CYP4Z1: variants seen among roughly 807,000 people sequenced by gnomAD.
CYP4Z1 encodes the protein cytochrome P450 family 4 subfamily Z member 1.
In CYP4Z1, 41 loss-of-function variants were observed where a neutral mutation model predicts 54.2. The ratio of observed to expected loss-of-function variants is 0.76; its 90% CI spans 0.59 to 0.98. The LOEUF (loss-of-function observed/expected upper bound fraction) is 0.98. CYP4Z1 is among the 50% of genes least tolerant of loss of function. The pLI is 0.00. For missense variants in CYP4Z1, 513 were observed against 599.0 expected (o/e 0.86, Z 1.50); for synonymous variants, 163 against 206.2 (o/e 0.79, Z 1.79).
chr1:47,079,990 G>A (rs1228103235), intron 2 of CYP4Z1, among the ~76,000 whole-genome samples: 2 of 152,120 alleles, frequency 1.3e-5, no homozygotes, highest in East Asian at 3.9e-4. Context: ...TTTGCAGAAA[G>A]TGAATCTCAT....
intron 9 of CYP4Z1, among the ~76,000 whole-genome samples, chr1:47,109,585 T>C (rs1644778765): frequency 6.6e-6 from 1 of 152,226 alleles, no homozygotes; most frequent in East Asian, 1.9e-4. Context: ...GCTGACAGAT[T>C]GTGACTCAAA....
the CYP4Z1 span, among the ~76,000 whole-genome samples, chr1:47,058,826 C>T: frequency 6.6e-6 from 1 of 152,114 alleles, no homozygotes; most frequent in Non-Finnish European, 1.5e-5. Context: ...TCTTTACCTC[C>T]ACAACCCTGG....
At position 47,094,475 on chromosome 1, in the gene CYP4Z1, G is replaced by A. The variant is rs74073742; in HGVS notation, c.773-91G>A. The A allele has an allele frequency of 1.8e-3, 1,640 of 890,236 alleles. 14 individuals carry two copies. The African/African-American group carries it at 0.022, about 12-fold the overall frequency. The allele number at this position is 890,236 out of a possible 1,614,324, so 55.1% of individuals were successfully genotyped here. ...GGGTGGGGGGCAGCCAGGGGCTACCGATAAAGCACCAGCTTCTCAGAACTA... is the reference window on the plus strand; with the variant it reads ...GGGTGGGGGGCAGCCAGGGGCTACCAATAAAGCACCAGCTTCTCAGAACTA... On this transcript the variant is annotated intron_variant, in intron 6 of 11. Coordinates refer to ENST00000334194, the MANE Select transcript of CYP4Z1 (RefSeq NM_178134.3).
chr1:47,067,208 GA>G (rs1359599223), upstream of CYP4Z1, among the ~76,000 whole-genome samples: 5 of 152,320 alleles, frequency 3.3e-5, no homozygotes, highest in East Asian at 9.6e-4. Context: ...TCTGGAAGGG[GA>G]CAGCAGTGCA....
chr1:47,063,842 C>T (rs951710147), upstream of CYP4Z1, among the ~76,000 whole-genome samples: 1 of 151,988 alleles, frequency 6.6e-6, no homozygotes, highest in Non-Finnish European at 1.5e-5. Context: ...GAAAAACTTC[C>T]CTGGCCTTGC....
intron 2 of CYP4Z1, among the ~76,000 whole-genome samples, chr1:47,079,237 G>A (rs1644546547): frequency 1.3e-5 from 2 of 152,148 alleles, no homozygotes; most frequent in Admixed American, 1.3e-4. Flanking sequence ...CATGGTACTG[G>A]AGAGGGATGT....
chr1:47,112,851 G>T (rs958102373), intron 9 of CYP4Z1, among the ~76,000 whole-genome samples: 2 of 152,022 alleles, frequency 1.3e-5, no homozygotes, highest in Non-Finnish European at 2.9e-5. Flanking sequence ...ACATTTATAG[G>T]TTTCAGGAGA....
intron 2 of CYP4Z1, among the ~76,000 whole-genome samples, chr1:47,071,105 T>TA (rs1276479365): frequency 7.4e-3 from 1,123 of 151,254 alleles, no homozygotes; most frequent in African/African-American, 0.025. Flanking sequence ...CATCTCTATT[T>TA]AAAAAAAAAT....
chr1:47,070,363 C>T lies in CYP4Z1; in HGVS notation c.319+1600C>T, dbSNP rs1358489049. 1.8e-5 allele frequency among the ~76,000 whole-genome samples: 2 copies of T among 111,788 alleles called. 1 individual carries two copies. Among genetic ancestry groups the T allele is most frequent in the Admixed American group, 1.8e-4 (2 of 10,878 alleles). 73.3% of individuals were successfully genotyped at this position (111,788 alleles called of 152,430 possible). On this transcript the variant is annotated intron_variant, in intron 2 of 11. Transcript: ENST00000334194. ...GTATACAATTTAATGGCATTAAATA[C>T]ATTTACATTGTTGTGCAACTATCAC... is the stretch of plus-strand genomic sequence containing the variant.
chr1:47,055,917 C>T, the CYP4Z1 span, among the ~76,000 whole-genome samples: 2 of 152,064 alleles, frequency 1.3e-5, no homozygotes, highest in Non-Finnish European at 2.9e-5. Context: ...GTCTCTATTT[C>T]CTTCAGTTCT....
chr1:47,095,356 C>T (rs1397767847), intron 7 of CYP4Z1, among the ~76,000 whole-genome samples: 1 of 152,130 alleles, frequency 6.6e-6, no homozygotes, highest in Non-Finnish European at 1.5e-5. Context: ...TATTTTATTC[C>T]TGTTTCCCTA....
intron 7 of CYP4Z1, among the ~76,000 whole-genome samples, chr1:47,095,833 CCAT>C (rs1315321141): frequency 1.3e-5 from 2 of 152,160 alleles, no homozygotes; most frequent in African/African-American, 4.8e-5. Context: ...ACATAATTTT[CCAT>C]CATCATCTCC....
intron 2 of CYP4Z1, among the ~76,000 whole-genome samples, chr1:47,076,528 T>C (rs1218229697): frequency 5.9e-5 from 9 of 152,064 alleles, no homozygotes; most frequent in African/African-American, 2.2e-4. Flanking sequence ...TTATGATTTA[T>C]TCCTTGTCCC....
Position 47,068,714 on chromosome 1 carries a change from C to T in CYP4Z1, c.270C>T (p.Phe90=), listed in dbSNP as rs1256153549. ...TGTGGGTTGGACCCTTTACGATGTTCTTCAGTGTCCATGACCCAGACTATG... is the reference window on the plus strand; with the variant it reads ...TGTGGGTTGGACCCTTTACGATGTTTTTCAGTGTCCATGACCCAGACTATG... The part of the protein sequence containing the change: ...VPLWVGPFTM[F]FSVHDPDYAK... Residue 90 remains phenylalanine, a synonymous_variant, in exon 2 of 12, where the codon TTC becomes TTT. Transcript: ENST00000334194. 3.7e-6 allele frequency: 6 copies of T among 1,614,128 alleles called. No homozygotes were observed. Among genetic ancestry groups the T allele is most frequent in the Non-Finnish European group, 5.1e-6 (6 of 1,180,016 alleles).
intron 2 of CYP4Z1, among the ~76,000 whole-genome samples, chr1:47,078,095 A>G (rs1213125522): frequency 1.2e-4 from 18 of 152,126 alleles, no homozygotes; most frequent in Non-Finnish European, 7.3e-5. Flanking sequence ...TCTTAAAGCT[A>G]TTGGAAATTT....
the CYP4Z1 span, among the ~76,000 whole-genome samples, chr1:47,061,220 C>A: frequency 2.0e-5 from 3 of 151,762 alleles, no homozygotes; most frequent in Admixed American, 6.6e-5. Context: ...TGAAAGAAAT[C>A]AAAACACAGA....
chr1:47,082,971 C>T (rs1644565744), intron 4 of CYP4Z1, among the ~76,000 whole-genome samples: 2 of 152,092 alleles, frequency 1.3e-5, no homozygotes, highest in Admixed American at 6.5e-5. Context: ...TGTCACAAGA[C>T]AATCTAAAAC....
At position 47,088,920 on chromosome 1, in the gene CYP4Z1, C is replaced by A. The variant is rs191785158; in HGVS notation, c.772+3942C>A. Among the ~76,000 whole-genome samples, 485 of 147,432 alleles carry A rather than the reference C, an allele frequency of 3.3e-3. 4 individuals are homozygous for A. The highest frequency in any genetic ancestry group is 0.012 in the African/African-American group (453 of 38,178). ...TACAGGCGTGAGCCACTGTGCTCAG[C>A]CAAGGTTTATTTCTCATATGCAGCA... On this transcript the variant is annotated intron_variant, in intron 6 of 11. Coordinates refer to ENST00000334194, the MANE Select transcript of CYP4Z1 (RefSeq NM_178134.3).
chr1:47,083,848 T>C (rs878931615), intron 4 of CYP4Z1, among the ~76,000 whole-genome samples: 2 of 152,102 alleles, frequency 1.3e-5, no homozygotes, highest in South Asian at 2.1e-4. Context: ...CACCTACCTA[T>C]TGCTCTTTCT....
Sources: allele counts gnomAD v4.1 joint callset (sites outside exome capture counted in the v4.1 genomes callset), GRCh38; gene constraint gnomAD v4.1.1; transcripts MANE v1.5; gene names NCBI Gene and HGNC (gene_info 2026-07-23, HGNC 2026-07-21).